Variants in NAALADL2 observed in about 807,000 individuals in gnomAD.
NAALADL2 encodes N-acetylated alpha-linked acidic dipeptidase like 2, also known as inactive N-acetylated-alpha-linked acidic dipeptidase-like protein 2.
NAALADL2 carries 76 observed loss-of-function variants against 87.2 expected under a neutral mutation model. That is an observed-to-expected ratio of 0.87 (90% CI 0.72 to 1.05). The LOEUF (loss-of-function observed/expected upper bound fraction) is 1.05, where lower values mean the gene tolerates loss of function less well. Among genes scored for constraint, NAALADL2 ranks in the 50% least tolerant of loss-of-function variants. NAALADL2 has a pLI of 0.00. For missense variants in NAALADL2, 1,089 were observed against 945.8 expected (o/e 1.15, Z -1.99); for synonymous variants, 354 against 331.0 (o/e 1.07, Z -0.75).
intron 1 of NAALADL2, among the ~76,000 whole-genome samples, chr3:174,940,039 T>C (rs1194154155): frequency 6.6e-6 from 1 of 152,126 alleles, no homozygotes; most frequent in Non-Finnish European, 1.5e-5. Context: ...GTCCTAATAC[T>C]ATGTTGAATA....
chr3:174,473,341 C>A (rs984829557), intron 1 of NAALADL2, among the ~76,000 whole-genome samples: 7 of 152,106 alleles, frequency 4.6e-5, no homozygotes, highest in Non-Finnish European at 8.8e-5. Flanking sequence ...CTACATCAAC[C>A]CTACAAAGGA....
intron 9 of NAALADL2, among the ~76,000 whole-genome samples, chr3:175,480,009 A>G (rs1726229240): frequency 6.6e-6 from 1 of 151,810 alleles, no homozygotes; most frequent in Non-Finnish European, 1.5e-5. Context: ...TGTAGGGAAG[A>G]GGAAGTGAAT....
intron 9 of NAALADL2, among the ~76,000 whole-genome samples, chr3:175,507,907 A>G (rs1257047655): frequency 6.6e-6 from 1 of 152,102 alleles, no homozygotes; most frequent in Admixed American, 6.6e-5. Flanking sequence ...GATATAAAGA[A>G]ATACCTGAGA....
At chr3:174,850,304 T>C (rs1200049415) in intron 3 of NAALADL2, among the ~76,000 whole-genome samples, 1 of 152,158 alleles carries the variant, frequency 6.6e-6, no homozygotes, top group African/African-American at 2.4e-5. Context: ...TATTTGCCTC[T>C]TTTGCTGCTT....
chr3:174,525,499 C>T (rs867581558), intron 1 of NAALADL2, among the ~76,000 whole-genome samples: 1 of 152,080 alleles, frequency 6.6e-6, no homozygotes, highest in African/African-American at 2.4e-5. Flanking sequence ...TCACTTATTA[C>T]CAAGGGGATG....
intron 1 of NAALADL2, among the ~76,000 whole-genome samples, chr3:175,062,504 G>GTGTA (rs1553762954): frequency 3.3e-5 from 5 of 151,306 alleles, no homozygotes; most frequent in African/African-American, 1.2e-4. Flanking sequence ...GTGTGTGTGT[G>GTGTA]TGTGTGTGTG....
intron 5 of NAALADL2, among the ~76,000 whole-genome samples, chr3:175,353,870 G>T (rs1207446862): frequency 2.0e-5 from 3 of 152,304 alleles, no homozygotes; most frequent in East Asian, 3.9e-4. Flanking sequence ...TACCAAAGGT[G>T]TGCCTTCATG....
At chr3:175,599,066 G>A (rs1722611807) in intron 10 of NAALADL2, among the ~76,000 whole-genome samples, 1 of 152,080 alleles carries the variant, frequency 6.6e-6, no homozygotes, top group East Asian at 1.9e-4. Context: ...TACTCTTCAT[G>A]GTGTGGCCTC....
At chr3:174,786,822 T>C (rs1716737237) in intron 3 of NAALADL2, among the ~76,000 whole-genome samples, 1 of 152,116 alleles carries the variant, frequency 6.6e-6, no homozygotes, top group Non-Finnish European at 1.5e-5. Flanking sequence ...ATTGCTCAGC[T>C]TCCCTTCTTC....
intron 3 of NAALADL2, among the ~76,000 whole-genome samples, chr3:174,771,490 C>T (rs1338930738): frequency 6.6e-6 from 1 of 152,152 alleles, no homozygotes; most frequent in East Asian, 1.9e-4. Context: ...CATACAAGAG[C>T]ATGGCTTGGT....
rs948490391 is a variant in NAALADL2 at position 175,808,625 on chromosome 3, T to C, written c.*5422T>C. 2.6e-5 allele frequency: 4 copies of C among 152,068 alleles called. No homozygotes were observed. The allele number at this position is 152,068 out of a possible 1,614,324, so 9.4% of individuals were successfully genotyped here. A position where few individuals can be genotyped will look rare whatever the true frequency, so the allele number is the denominator to read the frequency against. ...TAGCTTTTCTCAGAAGGAAACAGAT[T>C]TTATTTTCCAGGGGCTAATTAATAT... On this transcript the variant is annotated 3_prime_UTR_variant, in exon 14 of 14. Coordinates refer to ENST00000454872, the MANE Select transcript of NAALADL2 (RefSeq NM_207015.3).
At chr3:175,123,958 G>A (rs543774551) in intron 2 of NAALADL2, among the ~76,000 whole-genome samples, 3 of 151,816 alleles carry the variant, frequency 2.0e-5, no homozygotes, top group South Asian at 4.2e-4. Flanking sequence ...CTTGCAAAGG[G>A]ATAGTTTTTT....
rs367893901 is a variant in NAALADL2, at chr3:174,963,292, T to C, written c.43+103842T>C. ...AAGAATAATTCATGGTAAACTTTTA[T>C]AGGATTACTATAAATACTTTAGTAA... On this transcript the variant is annotated intron_variant, in intron 1 of 13. Coordinates refer to ENST00000454872, the MANE Select transcript of NAALADL2 (RefSeq NM_207015.3). Among the ~76,000 whole-genome samples the C allele has an allele frequency of 8.0e-3, 1,224 of 152,272 alleles. 8 individuals are homozygous for C. Among genetic ancestry groups the C allele is most frequent in the Non-Finnish European group, 0.012 (814 of 67,994 alleles).
chr3:175,441,430 G>T (rs1259113930), intron 5 of NAALADL2, among the ~76,000 whole-genome samples: 2 of 152,122 alleles, frequency 1.3e-5, no homozygotes, highest in African/African-American at 4.8e-5. Context: ...TCCCAGAACC[G>T]ATTGCTGGCA....
At chr3:175,204,657 A>C (rs1200361419) in intron 2 of NAALADL2, among the ~76,000 whole-genome samples, 1 of 149,126 alleles carries the variant, frequency 6.7e-6, no homozygotes, top group Non-Finnish European at 1.5e-5. Flanking sequence ...TCAAACTGTC[A>C]GTGTTTGCTG....
chr3:174,617,374 C>A (rs1720565291), intron 2 of NAALADL2, among the ~76,000 whole-genome samples: 1 of 151,498 alleles, frequency 6.6e-6, no homozygotes, highest in Non-Finnish European at 1.5e-5. Context: ...TCATAGCGAT[C>A]TCGTTACAAA....
intron 5 of NAALADL2, among the ~76,000 whole-genome samples, chr3:175,330,188 C>A (rs544498420): frequency 6.6e-6 from 1 of 152,204 alleles, no homozygotes; most frequent in East Asian, 1.9e-4. Flanking sequence ...ACTAATGTTT[C>A]TATCTTAAAG....
intron 1 of NAALADL2, among the ~76,000 whole-genome samples, chr3:175,002,470 C>A (rs1345264162): frequency 6.6e-6 from 1 of 151,986 alleles, no homozygotes; most frequent in Non-Finnish European, 1.5e-5. Flanking sequence ...AGATCTCGAT[C>A]GTGTATTGAA....
At chr3:174,499,834 G>A (rs995533742) in intron 1 of NAALADL2, among the ~76,000 whole-genome samples, 2 of 152,052 alleles carry the variant, frequency 1.3e-5, no homozygotes, top group African/African-American at 2.4e-5. Flanking sequence ...TAACTTTATA[G>A]TAAGTCTTTT....
Sources: allele counts gnomAD v4.1 joint callset (sites outside exome capture counted in the v4.1 genomes callset), GRCh38; gene constraint gnomAD v4.1.1; transcripts MANE v1.5; gene names NCBI Gene and HGNC (gene_info 2026-07-23, HGNC 2026-07-21).